The following FAM107B variants were observed in gnomAD, a reference collection of about 807,000 sequenced individuals.
FAM107B encodes protein FAM107B.
In FAM107B, 21 loss-of-function variants were observed where a neutral mutation model predicts 31.5. That is an observed-to-expected ratio of 0.67 (90% confidence interval 0.47 to 0.96). The LOEUF (loss-of-function observed/expected upper bound fraction) is 0.96. Among genes scored for constraint, FAM107B ranks in the 40% least tolerant of loss-of-function variants. FAM107B has a pLI of 0.00. For synonymous variants in FAM107B, 157 were observed against 141.5 expected (o/e 1.11, Z -0.78); for missense variants, 452 against 377.1 (o/e 1.20, Z -1.64).
At chr10:14,774,218 T>A in intron 1 of FAM107B, 35 bp downstream of exon 1, 1 of 1,570,644 alleles carries the variant, frequency 6.4e-7, no homozygotes, top group East Asian at 2.3e-5. Flanking sequence ...TCCAGCTCCA[T>A]CCCGTCTATA....
chr10:14,629,462 T>TATTTA (rs1853288192), intron 2 of FAM107B, among the ~76,000 whole-genome samples: 1 of 69,670 alleles, frequency 1.4e-5, no homozygotes, highest in African/African-American at 6.0e-5. Flanking sequence ...ATATATTATA[T>TATTTA]ATATATTTAA....
chr10:14,766,042 T>C (rs1833154598), intron 1 of FAM107B, among the ~76,000 whole-genome samples: 1 of 152,202 alleles, frequency 6.6e-6, no homozygotes. Flanking sequence ...CCCCAAGTCT[T>C]GGCTTCTAGA....
chr10:14,683,341 G>C (rs1554848207), intron 1 of FAM107B, among the ~76,000 whole-genome samples: 2 of 152,226 alleles, frequency 1.3e-5, no homozygotes, highest in Admixed American at 6.5e-5. Flanking sequence ...AACGGAATGA[G>C]TGATTGTTCC....
chr10:14,569,356 G>C (rs1850986194), intron 2 of FAM107B, among the ~76,000 whole-genome samples: 1 of 152,092 alleles, frequency 6.6e-6, no homozygotes, highest in Admixed American at 6.5e-5. Flanking sequence ...GGAAGGGGAG[G>C]GTACATGTTG....
At chr10:14,574,790 C>A (rs1472150226) in intron 2 of FAM107B, among the ~76,000 whole-genome samples, 1 of 152,182 alleles carries the variant, frequency 6.6e-6, no homozygotes, top group Non-Finnish European at 1.5e-5. Flanking sequence ...CCACCCCCAA[C>A]ACAAGTCATA....
At chr10:14,572,957 T>A (rs1014796804) in intron 2 of FAM107B, among the ~76,000 whole-genome samples, 2 of 151,768 alleles carry the variant, frequency 1.3e-5, no homozygotes, top group Non-Finnish European at 2.9e-5. Context: ...GTTATTACTA[T>A]ATTATTAGGA....
At chr10:14,583,246 C>A (rs1179750893) in intron 2 of FAM107B, among the ~76,000 whole-genome samples, 3 of 152,166 alleles carry the variant, frequency 2.0e-5, no homozygotes, top group Admixed American at 2.0e-4. Flanking sequence ...CTTCATCTGG[C>A]AGAAGTTACC....
intron 2 of FAM107B, among the ~76,000 whole-genome samples, chr10:14,561,797 C>G (rs2131179081): frequency 6.6e-6 from 1 of 152,180 alleles, no homozygotes; most frequent in African/African-American, 2.4e-5. Context: ...TTCTTATTTT[C>G]TTTTTGAGAC....
chr10:14,655,003 A>C (rs1389217936), intron 2 of FAM107B, among the ~76,000 whole-genome samples: 1 of 152,184 alleles, frequency 6.6e-6, no homozygotes, highest in Non-Finnish European at 1.5e-5. Flanking sequence ...TAAAGGAAAG[A>C]GGTTGATTTG....
intron 1 of FAM107B, among the ~76,000 whole-genome samples, chr10:14,767,039 T>C (rs1204765242): frequency 8.7e-5 from 3 of 34,368 alleles, no homozygotes; most frequent in Non-Finnish European, 2.0e-4. Flanking sequence ...TATATATATA[T>C]ATATATATAT....
intron 1 of FAM107B, among the ~76,000 whole-genome samples, chr10:14,766,200 T>C (rs1833158321): frequency 6.6e-6 from 1 of 152,214 alleles, no homozygotes; most frequent in African/African-American, 2.4e-5. Flanking sequence ...CAGGGGAACA[T>C]GTTTTGGATC....
chr10:14,718,790 C>A (rs898541515), intron 1 of FAM107B, among the ~76,000 whole-genome samples: 1 of 152,182 alleles, frequency 6.6e-6, no homozygotes, highest in Admixed American at 6.5e-5. Context: ...GTAGTACAGC[C>A]TTTTGTGGCA....
chr10:14,667,358 CATT>C (rs1460037071), intron 2 of FAM107B, among the ~76,000 whole-genome samples: 8 of 152,176 alleles, frequency 5.3e-5, no homozygotes, highest in East Asian at 1.9e-4. Flanking sequence ...ATTTTTTCAT[CATT>C]ATCATCATCT....
chr10:14,566,545 C>A (rs570837999), intron 2 of FAM107B, among the ~76,000 whole-genome samples: 14 of 152,304 alleles, frequency 9.2e-5, no homozygotes, highest in African/African-American at 3.4e-4. Flanking sequence ...TGGACAGCAG[C>A]CTGGTGAGAG....
chr10:14,671,881 AAAACAAAAAAAC>A (rs1343961203), intron 1 of FAM107B, among the ~76,000 whole-genome samples: 2 of 108,818 alleles, frequency 1.8e-5, no homozygotes, highest in African/African-American at 3.2e-5. Context: ...TTAAAAAAAA[AAAACAAAAAAAC>A]AAAAAAAAAA....
At chr10:14,596,657 T>C (rs1220927248) in intron 2 of FAM107B, among the ~76,000 whole-genome samples, 1 of 152,206 alleles carries the variant, frequency 6.6e-6, no homozygotes, top group East Asian at 1.9e-4. Context: ...CTGATGTCTA[T>C]GACTTCTATG....
chr10:14,741,517 G>T (rs954176575), intron 1 of FAM107B, among the ~76,000 whole-genome samples: 1 of 152,136 alleles, frequency 6.6e-6, no homozygotes, highest in Non-Finnish European at 1.5e-5. Flanking sequence ...TGCATCTCCA[G>T]GAGGGATGGA....
chr10:14,730,790 T>C (rs1057454890), intron 1 of FAM107B, among the ~76,000 whole-genome samples: 1 of 152,150 alleles, frequency 6.6e-6, no homozygotes, highest in Non-Finnish European at 1.5e-5. Flanking sequence ...TGTTCTGATT[T>C]TAGCCCTGAA....
intron 2 of FAM107B, among the ~76,000 whole-genome samples, chr10:14,570,801 C>CAA (rs34358962): frequency 1.7e-3 from 252 of 145,430 alleles, no homozygotes; most frequent in African/African-American, 3.2e-3. Context: ...GACTCCATCT[C>CAA]AAAAAAAAAA....
Sources: gnomAD v4.1 joint callset for allele counts (sites outside exome capture counted in the v4.1 genomes callset) on GRCh38, gnomAD v4.1.1 for gene constraint, MANE v1.5 for transcripts, NCBI Gene and HGNC (gene_info 2026-07-23, HGNC 2026-07-21) for gene names.